Variants in ERC2 observed in about 807,000 individuals in gnomAD.
ERC2 encodes the protein ERC protein 2.
Under a neutral mutation model 114.8 loss-of-function variants are expected in ERC2, and 42 were observed. The ratio of observed to expected loss-of-function variants is 0.37; its 90% CI spans 0.29 to 0.47. The LOEUF (loss-of-function observed/expected upper bound fraction) is 0.47, where lower values mean the gene tolerates loss of function less well. ERC2 is among the 20% of genes least tolerant of loss of function. The probability of loss-of-function intolerance (pLI) is 0.99; values close to 1 mark genes in which losing one functional copy is unlikely to be tolerated. For synonymous variants in ERC2, 454 were observed against 425.5 expected, an observed-to-expected ratio of 1.07 and a Z score of -0.82; for missense variants, 939 against 1,150.7, an observed-to-expected ratio of 0.82 and a Z score of 2.66.
chr3:55,536,992 G>A (rs2054040002), intron 17 of ERC2, among the ~76,000 whole-genome samples: 1 of 152,218 alleles, frequency 6.6e-6, no homozygotes, highest in African/African-American at 2.4e-5. Context: ...GAGGGCAAAA[G>A]AAAAGCGTCT....
chr3:55,892,381 G>A (rs904949156), intron 13 of ERC2, among the ~76,000 whole-genome samples: 7 of 152,120 alleles, frequency 4.6e-5, no homozygotes, highest in Admixed American at 1.3e-4. Context: ...ATGTAGCCAG[G>A]CGTGGTGACA....
intron 3 of ERC2, among the ~76,000 whole-genome samples, chr3:56,185,762 T>G (rs2083558072): frequency 6.6e-6 from 1 of 152,166 alleles, no homozygotes; most frequent in East Asian, 1.9e-4. Flanking sequence ...TATTTGTAAT[T>G]AAGATTACAG....
intron 3 of ERC2, among the ~76,000 whole-genome samples, chr3:56,230,008 G>A (rs2150173779): frequency 6.6e-6 from 1 of 151,482 alleles, no homozygotes; most frequent in East Asian, 2.0e-4. Flanking sequence ...TGGGATTACA[G>A]GCGCCTGCCA....
At chr3:55,537,175 G>A (rs375004740) in intron 17 of ERC2, among the ~76,000 whole-genome samples, 22 of 152,124 alleles carry the variant, frequency 1.4e-4, no homozygotes, top group African/African-American at 1.9e-4. Flanking sequence ...GCAGACCAGC[G>A]GGGCTGGCCG....
At chr3:55,990,934 G>T (rs1342157132) in intron 11 of ERC2, among the ~76,000 whole-genome samples, 2 of 152,114 alleles carry the variant, frequency 1.3e-5, no homozygotes. Flanking sequence ...CTCTACGAAA[G>T]ATTTTTAAAA....
intron 7 of ERC2, among the ~76,000 whole-genome samples, chr3:56,060,898 A>G (rs1560106243): frequency 6.6e-6 from 1 of 152,142 alleles, no homozygotes; most frequent in East Asian, 1.9e-4. Flanking sequence ...TATTACAGCT[A>G]TTGAATTCCT....
At chr3:55,628,196 G>T (rs9813110) in intron 17 of ERC2, among the ~76,000 whole-genome samples, 6 of 149,328 alleles carry the variant, frequency 4.0e-5, no homozygotes, top group South Asian at 2.1e-4. Context: ...CTACAGAGGA[G>T]ATGTCAACAG....
intron 4 of ERC2, among the ~76,000 whole-genome samples, chr3:56,166,366 A>C (rs1383419098): frequency 6.6e-6 from 1 of 152,016 alleles, no homozygotes; most frequent in Non-Finnish European, 1.5e-5. Flanking sequence ...TGAATATCAA[A>C]CATATGCTGG....
chr3:55,888,957 T>G (rs1231764060), intron 13 of ERC2, among the ~76,000 whole-genome samples: 1 of 152,204 alleles, frequency 6.6e-6, no homozygotes, highest in Non-Finnish European at 1.5e-5. Context: ...AAAAAATGTT[T>G]CAAACACAAG....
chr3:56,022,216 T>C (rs2073766820), intron 7 of ERC2, among the ~76,000 whole-genome samples: 1 of 152,220 alleles, frequency 6.6e-6, no homozygotes, highest in African/African-American at 2.4e-5. Context: ...TAGTATGGCA[T>C]TAATTTTGTA....
At chr3:56,288,611 C>T (rs529298995) in intron 3 of ERC2, among the ~76,000 whole-genome samples, 39 of 152,222 alleles carry the variant, frequency 2.6e-4, no homozygotes, top group African/African-American at 8.9e-4. Flanking sequence ...TGATGCTAAA[C>T]AGAAAGGAAT....
chr3:56,333,883 A>G (rs2057740650), intron 2 of ERC2, among the ~76,000 whole-genome samples: 1 of 152,240 alleles, frequency 6.6e-6, no homozygotes, highest in South Asian at 2.1e-4. Flanking sequence ...CATATTTTGA[A>G]GTCTAACTCC....
chr3:55,625,987 G>A (rs1204329675), intron 17 of ERC2, among the ~76,000 whole-genome samples: 1 of 152,184 alleles, frequency 6.6e-6, no homozygotes, highest in Non-Finnish European at 1.5e-5. Context: ...TCTCAGGTAG[G>A]TGTGTTCCAA....
chr3:56,270,269 A>C (rs2150291850), intron 3 of ERC2, among the ~76,000 whole-genome samples: 1 of 152,346 alleles, frequency 6.6e-6, no homozygotes, highest in South Asian at 2.1e-4. Context: ...CTACAGGCAG[A>C]TCTTCCAATA....
intron 6 of ERC2, among the ~76,000 whole-genome samples, chr3:56,132,672 T>C (rs1388092688): frequency 6.6e-6 from 1 of 152,180 alleles, no homozygotes; most frequent in African/African-American, 2.4e-5. Flanking sequence ...ACTATAAATG[T>C]ACGACATGTG....
intron 6 of ERC2, among the ~76,000 whole-genome samples, chr3:56,122,879 G>A (rs73091258): frequency 3.3e-5 from 5 of 151,954 alleles, no homozygotes; most frequent in Admixed American, 1.3e-4. Flanking sequence ...CTGCTGTCTC[G>A]TCGCTTCTGC....
intron 2 of ERC2, among the ~76,000 whole-genome samples, chr3:56,345,323 TA>T (rs2058262903): frequency 6.6e-6 from 1 of 152,106 alleles, no homozygotes; most frequent in Admixed American, 6.5e-5. Context: ...GACACAACAC[TA>T]AAAAAGACAG....
At chr3:55,952,287 C>T (rs918755099) in intron 12 of ERC2, among the ~76,000 whole-genome samples, 1 of 150,606 alleles carries the variant, frequency 6.6e-6, no homozygotes, top group Non-Finnish European at 1.5e-5. Flanking sequence ...ATTGGTAGCA[C>T]TTATTAAGAG....
chr3:56,051,996 T>C (rs746249970), intron 7 of ERC2, among the ~76,000 whole-genome samples: 12 of 152,200 alleles, frequency 7.9e-5, no homozygotes, highest in Non-Finnish European at 1.8e-4. Flanking sequence ...TCTTAGGTCC[T>C]TGTGGCCCCA....
Sources: gnomAD v4.1 joint callset for allele counts (sites outside exome capture counted in the v4.1 genomes callset) on GRCh38, gnomAD v4.1.1 for gene constraint, MANE v1.5 for transcripts, NCBI Gene and HGNC (gene_info 2026-07-23, HGNC 2026-07-21) for gene names.